Variants in RBFOX1 observed in about 807,000 individuals in gnomAD.
RBFOX1 encodes RNA binding protein fox-1 homolog 1.
Under a neutral mutation model 57.7 loss-of-function variants are expected in RBFOX1, and 8 were observed. The ratio of observed to expected loss-of-function variants is 0.14; its 90% CI spans 0.08 to 0.25. The LOEUF (loss-of-function observed/expected upper bound fraction) is 0.25. Among genes scored for constraint, RBFOX1 ranks in the 10% least tolerant of loss-of-function variants. The probability of loss-of-function intolerance (pLI) is 1.00; values close to 1 mark genes in which losing one functional copy is unlikely to be tolerated. For missense variants in RBFOX1, 611 were observed against 548.5 expected (o/e 1.11, Z -1.14); for synonymous variants, 326 against 222.4 (o/e 1.47, Z -4.15).
chr16:6,551,169 T>G (rs894269834), intron 2 of RBFOX1, among the ~76,000 whole-genome samples: 2 of 152,342 alleles, frequency 1.3e-5, no homozygotes, highest in Admixed American at 1.3e-4. Flanking sequence ...TATGTCTATA[T>G]AGATCTAGCC....
intron 4 of RBFOX1, among the ~76,000 whole-genome samples, chr16:7,192,529 A>G (rs1014605143): frequency 2.6e-5 from 4 of 152,208 alleles, no homozygotes; most frequent in Non-Finnish European, 5.9e-5. Flanking sequence ...TGAAGCATCA[A>G]CTGTGAGAAG....
chr16:6,746,952 A>T (rs1175388705), intron 3 of RBFOX1, among the ~76,000 whole-genome samples: 1 of 152,074 alleles, frequency 6.6e-6, no homozygotes, highest in South Asian at 2.1e-4. Flanking sequence ...CTTGGGCTCA[A>T]ACTAAAATCT....
intron 3 of RBFOX1, among the ~76,000 whole-genome samples, chr16:7,047,009 A>G (rs1024436898): frequency 2.5e-4 from 37 of 148,760 alleles, no homozygotes; most frequent in Non-Finnish European, 4.1e-4. Context: ...ACATATTTTA[A>G]TGAACTCAAG....
At chr16:7,676,239 C>G (rs555958402) in intron 13 of RBFOX1, among the ~76,000 whole-genome samples, 1 of 152,266 alleles carries the variant, frequency 6.6e-6, no homozygotes, top group South Asian at 2.1e-4. Flanking sequence ...CAGCTACAGA[C>G]ATTCTTCAAT....
At chr16:7,418,632 T>C (rs1421048501) in intron 4 of RBFOX1, among the ~76,000 whole-genome samples, 2 of 152,220 alleles carry the variant, frequency 1.3e-5, no homozygotes, top group Non-Finnish European at 2.9e-5. Flanking sequence ...AGAGTATTAT[T>C]AGATTAGATT....
intron 3 of RBFOX1, among the ~76,000 whole-genome samples, chr16:6,732,680 G>A (rs551154387): frequency 1.3e-4 from 20 of 152,328 alleles, no homozygotes; most frequent in Non-Finnish European, 2.5e-4. Context: ...CATTTACATA[G>A]TATGTTGACG....
chr16:6,982,282 G>C (rs905150989), intron 3 of RBFOX1, among the ~76,000 whole-genome samples: 1 of 152,138 alleles, frequency 6.6e-6, no homozygotes, highest in Non-Finnish European at 1.5e-5. Context: ...AGGTAACAAA[G>C]ATTGACCTAC....
At chr16:6,955,166 G>T (rs564750411) in intron 3 of RBFOX1, among the ~76,000 whole-genome samples, 11 of 152,176 alleles carry the variant, frequency 7.2e-5, no homozygotes, top group Non-Finnish European at 1.3e-4. Flanking sequence ...AGTTGAGCCT[G>T]GGACTGAGAT....
intron 3 of RBFOX1, among the ~76,000 whole-genome samples, chr16:5,808,818 G>C (rs1354252850): frequency 1.3e-5 from 2 of 152,060 alleles, no homozygotes; most frequent in East Asian, 3.9e-4. Context: ...GGAGATTTTG[G>C]GCTGAGACAA....
chr16:6,063,493 ACACACACACACACC>A (rs1421479415), intron 1 of RBFOX1, among the ~76,000 whole-genome samples: 75 of 108,374 alleles, frequency 6.9e-4, no homozygotes, highest in African/African-American at 1.7e-3. Flanking sequence ...ACACACACAC[ACACACACACACACC>A]CCCTTATATT....
chr16:7,193,295 G>A (rs1051678512), intron 4 of RBFOX1, among the ~76,000 whole-genome samples: 19 of 152,128 alleles, frequency 1.2e-4, no homozygotes, highest in African/African-American at 4.1e-4. Context: ...GCCAAAAGCA[G>A]CAGGCTGCCG....
At chr16:6,578,080 A>C (rs952514566) in intron 2 of RBFOX1, among the ~76,000 whole-genome samples, 1 of 152,322 alleles carries the variant, frequency 6.6e-6, no homozygotes, top group East Asian at 1.9e-4. Context: ...AAATAAGGTA[A>C]TAAGTTAGTC....
rs900828007 is a variant in RBFOX1, at chr16:7,482,629, A to G, written c.28-35518A>G. ...TACACAAATTCTGGATCTGCTTTCC[A>G]AGAGAACCCAGGAGGAAGAAGATGC... On this transcript the variant is annotated intron_variant, in intron 4 of 15. Transcript: ENST00000550418. Among the ~76,000 whole-genome samples, 11 of 142,166 alleles carry G rather than the reference A, an allele frequency of 7.7e-5. No homozygotes were observed. In the South Asian group the frequency reaches 2.4e-3, roughly 31 times the overall value. 93.3% of individuals were successfully genotyped at this position (142,166 alleles called of 152,430 possible).
intron 3 of RBFOX1, among the ~76,000 whole-genome samples, chr16:6,779,055 G>A (rs554779974): frequency 4.3e-4 from 65 of 152,070 alleles, no homozygotes; most frequent in Non-Finnish European, 8.1e-4. Flanking sequence ...AATATACAAT[G>A]CATTATTGTT....
chr16:6,767,570 T>C (rs1298026410), intron 3 of RBFOX1, among the ~76,000 whole-genome samples: 4 of 152,126 alleles, frequency 2.6e-5, no homozygotes, highest in Non-Finnish European at 5.9e-5. Context: ...ATGTCAAATA[T>C]AGCATTTGTG....
chr16:5,987,842 C>T (rs900763645), intron 4 of RBFOX1, among the ~76,000 whole-genome samples: 2 of 152,206 alleles, frequency 1.3e-5, no homozygotes, highest in Non-Finnish European at 2.9e-5. Context: ...TACTCTATCC[C>T]TGACACCCAG....
chr16:7,331,455 A>G (rs1268005093), intron 4 of RBFOX1, among the ~76,000 whole-genome samples: 1 of 152,160 alleles, frequency 6.6e-6, no homozygotes, highest in Non-Finnish European at 1.5e-5. Context: ...ACACACACCC[A>G]CATGTCTTTC....
At chr16:6,998,567 A>G (rs1428057586) in intron 3 of RBFOX1, among the ~76,000 whole-genome samples, 3 of 152,212 alleles carry the variant, frequency 2.0e-5, no homozygotes, top group African/African-American at 7.2e-5. Flanking sequence ...TTGAAGAACC[A>G]AAATAGGATT....
chr16:7,310,924 G>C (rs1331105946), intron 4 of RBFOX1, among the ~76,000 whole-genome samples: 1 of 152,166 alleles, frequency 6.6e-6, no homozygotes, highest in Non-Finnish European at 1.5e-5. Flanking sequence ...GCCATCTTGT[G>C]AACCATGCAT....
Sources: gnomAD v4.1 joint callset for allele counts (sites outside exome capture counted in the v4.1 genomes callset) on GRCh38, gnomAD v4.1.1 for gene constraint, MANE v1.5 for transcripts, NCBI Gene and HGNC (gene_info 2026-07-23, HGNC 2026-07-21) for gene names.